SRD5A2: variants seen among roughly 807,000 people sequenced by gnomAD.
SRD5A2 encodes 3-oxo-5-alpha-steroid 4-dehydrogenase 2.
Under a neutral mutation model 27.4 loss-of-function variants are expected in SRD5A2, and 30 were observed. The ratio of observed to expected loss-of-function variants is 1.10; its 90% CI spans 0.82 to 1.49. The LOEUF (loss-of-function observed/expected upper bound fraction) is 1.49. SRD5A2 is among the 40% of genes most tolerant of loss of function. SRD5A2 has a pLI of 0.00. For missense variants in SRD5A2, 348 were observed against 323.4 expected, an observed-to-expected ratio of 1.08 and a Z score of -0.58; for synonymous variants, 141 against 133.6, an observed-to-expected ratio of 1.06 and a Z score of -0.38.
chr2:31,581,015 G>GCC, upstream of SRD5A2: 1 of 1,188,560 alleles, frequency 8.4e-7, no homozygotes, highest in Non-Finnish European at 1.1e-6. Flanking sequence ...CTTGGCTCCC[G>GCC]CCCCTCCATC....
chr2:31,575,538 G>C (rs1666940861), intron 1 of SRD5A2, among the ~76,000 whole-genome samples: 1 of 152,204 alleles, frequency 6.6e-6, no homozygotes, highest in Non-Finnish European at 1.5e-5. Flanking sequence ...TTGGAGGAAA[G>C]GATGCCTGAC....
In SRD5A2 at chr2:31,525,603, A is replaced by G. The variant is rs543095997; in HGVS notation, c.*593T>C. On this transcript the variant is annotated 3_prime_UTR_variant, in exon 5 of 5. Transcript: ENST00000622030. ...TTTGAAATGAGGTCAATGCATCAGT[A>G]TCTTTTCAGCACTATGAGGAGAGGG... is the stretch of plus-strand genomic sequence containing the variant. The G allele has an allele frequency of 8.8e-6, 2 of 227,088 alleles. No homozygotes were observed. The highest frequency in any genetic ancestry group is 1.8e-4 in the South Asian group (1 of 5,482). The allele number at this position is 227,088 out of a possible 1,614,324, so 14.1% of individuals were successfully genotyped here. A position where few individuals can be genotyped will look rare whatever the true frequency, so the allele number is the denominator to read the frequency against.
the SRD5A2 span, among the ~76,000 whole-genome samples, chr2:31,625,077 T>C: frequency 4.4e-4 from 67 of 152,306 alleles, no homozygotes; most frequent in African/African-American, 1.6e-3. Context: ...TGGTATCTCA[T>C]TGTGGTTTTG....
the SRD5A2 span, among the ~76,000 whole-genome samples, chr2:31,639,582 C>T: frequency 6.6e-6 from 1 of 151,998 alleles, no homozygotes; most frequent in Non-Finnish European, 1.5e-5. Flanking sequence ...GTTTATCTCT[C>T]CTTCATATCT....
chr2:31,583,900 C>A (rs1395588224), upstream of SRD5A2, among the ~76,000 whole-genome samples: 2 of 151,988 alleles, frequency 1.3e-5, no homozygotes, highest in Admixed American at 1.3e-4. Context: ...TAGGAGGCAG[C>A]TGGAGTGAGG....
In SRD5A2 at chr2:31,526,026, A is replaced by G. The variant is rs1665770512; in HGVS notation, c.*170T>C. 1 of 528,586 alleles carries G rather than the reference A, an allele frequency of 1.9e-6. No individual in the cohort carries two copies. Among genetic ancestry groups the G allele is most frequent in the East Asian group, 2.9e-5 (1 of 34,362 alleles). 32.7% of individuals were successfully genotyped at this position (528,586 alleles called of 1,614,324 possible). ...GGATAGGGGTCCCTGGAAGGGTAGG[A>G]GTAAACTCTAAGCAGACACCACTCA... On this transcript the variant is annotated 3_prime_UTR_variant, in exon 5 of 5. Transcript: ENST00000622030.
At chr2:31,645,612 A>G in the SRD5A2 span, among the ~76,000 whole-genome samples, 1 of 152,202 alleles carries the variant, frequency 6.6e-6, no homozygotes, top group Non-Finnish European at 1.5e-5. Context: ...TCTGGTTTTT[A>G]AAAAGTTAGA....
At chr2:31,583,625 AAAAC>A (rs1558379378), upstream of SRD5A2, among the ~76,000 whole-genome samples, 1 of 42,388 alleles carries the variant, frequency 2.4e-5, no homozygotes, top group African/African-American at 6.1e-5. Context: ...AAAAAAAAAA[AAAAC>A]AAAAAAAAAG....
intron 1 of SRD5A2, among the ~76,000 whole-genome samples, chr2:31,572,800 C>T (rs141032607): frequency 2.0e-5 from 3 of 152,108 alleles, no homozygotes; most frequent in African/African-American, 7.2e-5. Context: ...TGGGATGTTT[C>T]GTGGTTAGAA....
At chr2:31,630,311 C>CAG in the SRD5A2 span, among the ~76,000 whole-genome samples, 5 of 147,628 alleles carry the variant, frequency 3.4e-5, no homozygotes, top group Non-Finnish European at 7.5e-5. Flanking sequence ...GAGAGAGAGA[C>CAG]AGAGAGAGAG....
Position 31,580,663 on chromosome 2 carries a change from C to A in SRD5A2, c.238G>T (p.Gly80Trp), listed in dbSNP as rs1304538007. The change falls in exon 1 of 5, where the codon GGG (glycine) becomes TGG (tryptophan). Residue 80 changes from glycine (G) to tryptophan (W), a missense_variant. Physicochemically the swap from Gly to Trp is radical, Grantham distance 184. Coordinates refer to ENST00000622030, the MANE Select transcript of SRD5A2 (RefSeq NM_000348.4). ...CAGAAGAGGCCCAGAAGTACCGTCCCAGGTGGCCCGAAGAGGGAGAGGGGC... is the reference window on the plus strand; with the variant it reads ...CAGAAGAGGCCCAGAAGTACCGTCCAAGGTGGCCCGAAGAGGGAGAGGGGC... ...RQPLSLFGPPGTVLLGLFCLH... is the reference protein window; with the variant it reads ...RQPLSLFGPPWTVLLGLFCLH... The A allele has an allele frequency of 6.3e-7, 1 of 1,594,018 alleles. No homozygotes were observed. The highest frequency in any genetic ancestry group is 1.3e-5 in the African/African-American group (1 of 74,796).
the SRD5A2 span, among the ~76,000 whole-genome samples, chr2:31,626,031 T>C: frequency 6.6e-6 from 1 of 152,226 alleles, no homozygotes; most frequent in Admixed American, 6.5e-5. Flanking sequence ...TCCTCTTTTA[T>C]TTCGTTGAGC....
the SRD5A2 span, among the ~76,000 whole-genome samples, chr2:31,594,549 T>G: frequency 6.6e-6 from 1 of 152,110 alleles, no homozygotes; most frequent in African/African-American, 2.4e-5. Context: ...CCCAAATTTA[T>G]AAAACAATTA....
At chr2:31,544,501 A>C (rs1487035039) in intron 1 of SRD5A2, among the ~76,000 whole-genome samples, 1 of 151,956 alleles carries the variant, frequency 6.6e-6, no homozygotes, top group East Asian at 1.9e-4. Context: ...AAATACTTAG[A>C]TATGAATGAA....
At chr2:31,597,793 C>A in the SRD5A2 span, among the ~76,000 whole-genome samples, 1 of 152,058 alleles carries the variant, frequency 6.6e-6, no homozygotes, top group South Asian at 2.1e-4. Flanking sequence ...ATTTAAAAAT[C>A]AAAAAATAAT....
intron 1 of SRD5A2, among the ~76,000 whole-genome samples, chr2:31,547,493 A>T (rs1666285455): frequency 6.6e-6 from 1 of 152,216 alleles, no homozygotes; most frequent in Admixed American, 6.5e-5. Flanking sequence ...TAAAAATGTA[A>T]AGGAAGGACA....
At chr2:31,634,437 C>A in the SRD5A2 span, among the ~76,000 whole-genome samples, 10 of 151,808 alleles carry the variant, frequency 6.6e-5, no homozygotes, top group Non-Finnish European at 2.9e-5. Context: ...AGGATGGGGG[C>A]GTATATCTGA....
chr2:31,612,194 T>A, the SRD5A2 span, among the ~76,000 whole-genome samples: 1 of 151,586 alleles, frequency 6.6e-6, no homozygotes, highest in African/African-American at 2.4e-5. Flanking sequence ...GGCATGAGAA[T>A]CACTTGGACC....
chr2:31,615,751 AT>A, the SRD5A2 span, among the ~76,000 whole-genome samples: 3 of 152,170 alleles, frequency 2.0e-5, no homozygotes, highest in African/African-American at 7.2e-5. Flanking sequence ...AATGGGGAAA[AT>A]GTCTCCAAGG....
Sources: gnomAD v4.1 joint callset for allele counts (sites outside exome capture counted in the v4.1 genomes callset) on GRCh38, gnomAD v4.1.1 for gene constraint, MANE v1.5 for transcripts, NCBI Gene and HGNC (gene_info 2026-07-23, HGNC 2026-07-21) for gene names.